Variants in TPD52L2 observed in about 807,000 individuals in gnomAD.
The protein encoded by TPD52L2 is TPD52 like 2, also known as tumor protein D54.
TPD52L2 carries 19 observed loss-of-function variants against 24.7 expected under a neutral mutation model. That is an observed-to-expected ratio of 0.77 (90% CI 0.54 to 1.13). The LOEUF is 1.13. TPD52L2 is among the 50% of genes most tolerant of loss of function. TPD52L2 has a pLI of 0.00. For missense variants in TPD52L2, 236 were observed against 250.4 expected (o/e 0.94, Z 0.39); for synonymous variants, 104 against 100.2 (o/e 1.04, Z -0.23).
At position 63,889,198 on chromosome 20, in the gene TPD52L2, C is replaced by T. The variant is rs567981375; in HGVS notation, c.485C>T (p.Ala162Val). The T allele has an allele frequency of 8.1e-6, 13 of 1,613,318 alleles. No homozygotes were observed. The highest frequency in any genetic ancestry group is 2.7e-5 in the African/African-American group (2 of 75,030). Residue 162 changes from alanine (A) to valine (V), a missense_variant, in exon 6 of 7, where the codon GCG becomes GTG. Transcript: ENST00000346249. ...TCCCTCTCTCTTTAAAGGAACTCTG[C>T]GACCTTCAAGTCGTTTGAGGACCGA... ...SRKLGDMRNS[A>V]TFKSFEDRVG... is the part of the protein sequence containing the mutation.
At position 63,890,150 on chromosome 20, in the gene TPD52L2, G is replaced by A. The variant is rs1213176459; in HGVS notation, c.*205G>A. The A allele has an allele frequency of 4.3e-6, 5 of 1,175,104 alleles. No individual in the cohort carries two copies. In the African/African-American group the frequency reaches 4.6e-5, roughly 11 times the overall value. The allele number at this position is 1,175,104 out of a possible 1,614,324, so 72.8% of individuals were successfully genotyped here. A position where few individuals can be genotyped will look rare whatever the true frequency, so the allele number is the denominator to read the frequency against. ...TTGTACACAGATGTTTTACACTCAC[G>A]TTTGTAGATGAAACAGATCACTGTG... is the stretch of plus-strand genomic sequence containing the variant. On this transcript the variant is annotated 3_prime_UTR_variant, in exon 7 of 7. Coordinates refer to ENST00000346249, the MANE Select transcript of TPD52L2 (RefSeq NM_003288.4).
intron 1 of TPD52L2, 106 bp downstream of exon 1, chr20:63,865,490 C>T (rs4809374): frequency 7.1e-7 from 1 of 1,408,702 alleles, no homozygotes; most frequent in South Asian, 1.3e-5. Context: ...GGTCTCGGTT[C>T]ACCCACCCCG....
At chr20:63,878,380 A>T (rs1254959465) in intron 4 of TPD52L2, among the ~76,000 whole-genome samples, 2 of 152,224 alleles carry the variant, frequency 1.3e-5, no homozygotes, top group Admixed American at 6.5e-5. Context: ...GGCAGAGGTA[A>T]CTAAAAACCT....
At chr20:63,873,643 A>G in intron 2 of TPD52L2, 25 bp from the exon 3 acceptor site, 1 of 1,610,078 alleles carries the variant, frequency 6.2e-7, no homozygotes, top group Non-Finnish European at 8.5e-7. Flanking sequence ...GTGATGGCTC[A>G]TCATGTCAAC....
chr20:63,887,854 C>G, intron 5 of TPD52L2: 2 of 564,030 alleles, frequency 3.5e-6, no homozygotes, highest in South Asian at 4.1e-5. Context: ...GGGCCGTGTC[C>G]TTTCCAAGTC....
At chr20:63,878,950 C>T (rs2052792253) in intron 4 of TPD52L2, among the ~76,000 whole-genome samples, 2 of 152,208 alleles carry the variant, frequency 1.3e-5, no homozygotes, top group Admixed American at 1.3e-4. Flanking sequence ...AACAACCCAG[C>T]CTTCTGGTCC....
intron 1 of TPD52L2, among the ~76,000 whole-genome samples, chr20:63,868,537 T>C (rs1053246065): frequency 3.9e-5 from 6 of 152,264 alleles, no homozygotes; most frequent in Non-Finnish European, 8.8e-5. Flanking sequence ...AGGAGCTGAA[T>C]GAGCAGCATG....
At chr20:63,866,326 A>C (rs2052231828) in intron 1 of TPD52L2, among the ~76,000 whole-genome samples, 1 of 151,912 alleles carries the variant, frequency 6.6e-6, no homozygotes, top group South Asian at 2.1e-4. Context: ...GATGGTCTCG[A>C]TCTCTTGACC....
intron 3 of TPD52L2, among the ~76,000 whole-genome samples, chr20:63,874,739 C>CTG (rs146058135): frequency 0.21 from 31,404 of 152,000 alleles, 3,856 homozygotes; most frequent in African/African-American, 0.33. Context: ...GATAGGAAGA[C>CTG]TGTTTCAGGG....
chr20:63,882,750 G>C lies in TPD52L2; in HGVS notation c.406G>C (p.Ala136Pro), dbSNP rs1309531841. Residue 136 changes from alanine (A) to proline (P), a missense_variant, in exon 5 of 7, where the codon GCA becomes CCA. Ala to Pro is a conservative substitution (Grantham distance 27, BLOSUM62 -1). Coordinates refer to ENST00000346249, the MANE Select transcript of TPD52L2 (RefSeq NM_003288.4). The part of the protein sequence containing the change: ...YKKTQETLSQ[A>P]GQKTSAALST... ...GAAGACTCAGGAAACTCTTTCACAG[G>C]CAGGACAGAAGACTTCAGCTGCCCT... 1 of 1,614,020 alleles carries C rather than the reference G, an allele frequency of 6.2e-7. No individual in the cohort carries two copies. Among genetic ancestry groups the C allele is most frequent in the Non-Finnish European group, 8.5e-7 (1 of 1,180,010 alleles).
rs773000914 is a variant in TPD52L2 at position 63,877,903 on chromosome 20, C to T, written c.374+2028C>T. 6.6e-6 allele frequency among the ~76,000 whole-genome samples: 1 copy of T among 152,096 alleles called. No individual in the cohort carries two copies. Among genetic ancestry groups the T allele is most frequent in the Non-Finnish European group, 1.5e-5 (1 of 67,968 alleles). On this transcript the variant is annotated intron_variant, in intron 4 of 6. Transcript: ENST00000346249. The surrounding 1 kb of genome is among the most constrained non-coding windows in gnomAD (Gnocchi z 4.1). ...TGGTTTCTGCCGGGACGGCCCAGGC[C>T]GAGGGCGATGGTTTCTGGTGGGAAG...
chr20:63,875,713 G>A, intron 3 of TPD52L2, 103 bp from the exon 4 acceptor site: 1 of 1,214,470 alleles, frequency 8.2e-7, no homozygotes. Flanking sequence ...TGATGTTCCT[G>A]CCAGCTGGTC....
chr20:63,878,778 T>A (rs904990064), intron 4 of TPD52L2, among the ~76,000 whole-genome samples: 1 of 152,168 alleles, frequency 6.6e-6, no homozygotes, highest in African/African-American at 2.4e-5. Context: ...TGTCCAGGGC[T>A]CTCTTCCTAG....
rs1260372792 is a variant in TPD52L2, at chr20:63,877,797, C to T, written c.374+1922C>T. On this transcript the variant is annotated intron_variant, in intron 4 of 6. Coordinates refer to ENST00000346249, the MANE Select transcript of TPD52L2 (RefSeq NM_003288.4). This position sits in a 1 kb window ranked among gnomAD's most constrained non-coding sequence, Gnocchi z 4.1. ...TGCATCACCTGGCCGAGGCCATTCC[C>T]CTGAGTTCTGTGGCGAGAGCTGTCA... is the stretch of plus-strand genomic sequence containing the variant. Among the ~76,000 whole-genome samples the T allele has an allele frequency of 6.6e-6, 1 of 152,278 alleles. No individual in the cohort carries two copies. Among genetic ancestry groups the T allele is most frequent in the Non-Finnish European group, 1.5e-5 (1 of 68,050 alleles).
At chr20:63,867,270 A>G (rs1003896636) in intron 1 of TPD52L2, among the ~76,000 whole-genome samples, 4 of 152,120 alleles carry the variant, frequency 2.6e-5, no homozygotes, top group African/African-American at 9.7e-5. Flanking sequence ...GTCTTTTTTT[A>G]AATAGAACAG....
At chr20:63,868,069 C>T (rs1276343668) in intron 1 of TPD52L2, among the ~76,000 whole-genome samples, 3 of 151,616 alleles carry the variant, frequency 2.0e-5, no homozygotes, top group Admixed American at 1.3e-4. Context: ...CGCGTGCCAC[C>T]ACGCTAACTA....
chr20:63,875,521 C>G (rs1226981893), intron 3 of TPD52L2, among the ~76,000 whole-genome samples: 1 of 152,192 alleles, frequency 6.6e-6, no homozygotes, highest in African/African-American at 2.4e-5. Flanking sequence ...TGGGCTGTGC[C>G]CTTCCAGTCC....
intron 5 of TPD52L2, chr20:63,888,640 G>C (rs2053219626): frequency 7.0e-6 from 1 of 142,044 alleles, no homozygotes; most frequent in Non-Finnish European, 1.5e-5. Flanking sequence ...CGAGAGCCCA[G>C]GGTGTCCCTG....
chr20:63,866,829 T>G (rs921760045), intron 1 of TPD52L2, among the ~76,000 whole-genome samples: 1 of 148,758 alleles, frequency 6.7e-6, no homozygotes, highest in Non-Finnish European at 1.5e-5. Context: ...TGGAGTGCAG[T>G]GGTGCAATCA....
Sources: gnomAD v4.1 joint callset for allele counts (sites outside exome capture counted in the v4.1 genomes callset) on GRCh38, gnomAD v4.1.1 for gene constraint, Gnocchi (gnomAD v3.1) non-coding constraint, MANE v1.5 for transcripts, NCBI Gene and HGNC (gene_info 2026-07-23, HGNC 2026-07-21) for gene names.